CFAP299: variants seen among roughly 807,000 people sequenced by gnomAD.
The protein encoded by CFAP299 is cilia- and flagella-associated protein 299.
In CFAP299, 21 loss-of-function variants were observed where a neutral mutation model predicts 27.0. The ratio of observed to expected loss-of-function variants is 0.78; its 90% confidence interval spans 0.55 to 1.12. CFAP299 has a LOEUF of 1.12. CFAP299 is among the 50% of genes most tolerant of loss of function. CFAP299 has a pLI of 0.00. For missense variants in CFAP299, 310 were observed against 276.6 expected (o/e 1.12, Z -0.86); for synonymous variants, 104 against 98.1 (o/e 1.06, Z -0.36).
chr4:80,591,309 G>C (rs1201391399), intron 3 of CFAP299, among the ~76,000 whole-genome samples: 1 of 151,086 alleles, frequency 6.6e-6, no homozygotes, highest in Non-Finnish European at 1.5e-5. Context: ...ATTTTTAGTA[G>C]AGACGGGGTT....
chr4:80,508,529 C>G (rs1334155392), intron 2 of CFAP299, among the ~76,000 whole-genome samples: 2 of 152,106 alleles, frequency 1.3e-5, no homozygotes, highest in Admixed American at 1.3e-4. Context: ...TCAGATTCTC[C>G]TCACTTTTTC....
intron 4 of CFAP299, among the ~76,000 whole-genome samples, chr4:80,905,472 T>A (rs1337989266): frequency 6.6e-6 from 1 of 152,186 alleles, no homozygotes; most frequent in African/African-American, 2.4e-5. Context: ...TTGATATTTT[T>A]TTTAAAAAAG....
chr4:80,366,367 T>G (rs1288916834), intron 2 of CFAP299, among the ~76,000 whole-genome samples: 1 of 152,162 alleles, frequency 6.6e-6, no homozygotes, highest in African/African-American at 2.4e-5. Context: ...TTACTCACAA[T>G]AGCTTCACAG....
At chr4:80,340,109 G>A (rs534746569) in intron 1 of CFAP299, among the ~76,000 whole-genome samples, 3 of 152,246 alleles carry the variant, frequency 2.0e-5, no homozygotes, top group Admixed American at 2.0e-4. Context: ...AGTGAATTTG[G>A]CACCTTCAAC....
At chr4:80,782,530 A>C (rs1466469394) in intron 3 of CFAP299, among the ~76,000 whole-genome samples, 17 of 146,412 alleles carry the variant, frequency 1.2e-4, no homozygotes, top group Non-Finnish European at 2.5e-4. Context: ...AATATATAAT[A>C]TACATATATG....
chr4:80,953,506 G>A (rs901527649), intron 5 of CFAP299, among the ~76,000 whole-genome samples: 7 of 151,996 alleles, frequency 4.6e-5, no homozygotes, highest in African/African-American at 1.7e-4. Context: ...AAAATCAATG[G>A]CCTTGAGGAA....
chr4:80,476,927 C>T (rs1342668689), intron 2 of CFAP299, among the ~76,000 whole-genome samples: 1 of 149,358 alleles, frequency 6.7e-6, no homozygotes, highest in African/African-American at 2.5e-5. Context: ...TTTTCTCAGG[C>T]ATTTTGTGTG....
rs191755661 is a variant in CFAP299, at chr4:80,840,879, T to C, written c.334-29114T>C. ...CTCTTTAGTCCCACCTCCTTTCTTT[T>C]ATGTATGAGGAAATTTAGTCACAAA... On this transcript the variant is annotated intron_variant, in intron 3 of 5. Transcript: ENST00000358105. Among the ~76,000 whole-genome samples, 3 of 152,248 alleles carry C rather than the reference T, an allele frequency of 2.0e-5. No homozygotes were observed. In the East Asian group the frequency reaches 5.8e-4, roughly 29 times the overall value.
chr4:80,910,754 C>T (rs181994721), intron 4 of CFAP299, among the ~76,000 whole-genome samples: 47 of 151,998 alleles, frequency 3.1e-4, no homozygotes, highest in African/African-American at 8.9e-4. Context: ...AACAAACTCC[C>T]GTGACATTTA....
chr4:80,845,949 A>G (rs948808059), intron 3 of CFAP299, among the ~76,000 whole-genome samples: 3 of 152,194 alleles, frequency 2.0e-5, no homozygotes, highest in Admixed American at 2.0e-4. Context: ...GTTAAATATG[A>G]AAAGTGGTAG....
intron 3 of CFAP299, among the ~76,000 whole-genome samples, chr4:80,644,215 T>C (rs1213125453): frequency 3.3e-5 from 5 of 152,224 alleles, no homozygotes; most frequent in South Asian, 4.1e-4. Flanking sequence ...ATGTGCTTTG[T>C]GTGTGTTTTT....
At chr4:80,684,641 T>A (rs1720069187) in intron 3 of CFAP299, among the ~76,000 whole-genome samples, 1 of 152,198 alleles carries the variant, frequency 6.6e-6, no homozygotes, top group Non-Finnish European at 1.5e-5. Flanking sequence ...AGAGTCATTA[T>A]AGTATCTAAA....
At chr4:80,741,437 T>C (rs563373673) in intron 3 of CFAP299, among the ~76,000 whole-genome samples, 1 of 152,010 alleles carries the variant, frequency 6.6e-6, no homozygotes, top group Admixed American at 6.6e-5. Flanking sequence ...CCCTTTAAGG[T>C]AGTGGGTTCT....
intron 1 of CFAP299, among the ~76,000 whole-genome samples, chr4:80,350,331 C>G (rs1722956244): frequency 6.6e-6 from 1 of 151,970 alleles, no homozygotes; most frequent in Non-Finnish European, 1.5e-5. Context: ...TCACTGAAAA[C>G]TAGTGATAAA....
intron 3 of CFAP299, among the ~76,000 whole-genome samples, chr4:80,765,964 T>C (rs1466783744): frequency 6.6e-6 from 1 of 152,044 alleles, no homozygotes; most frequent in East Asian, 1.9e-4. Flanking sequence ...TCTACTATAA[T>C]TTCACAGAAG....
intron 3 of CFAP299, among the ~76,000 whole-genome samples, chr4:80,730,786 T>C (rs1010104569): frequency 4.6e-5 from 7 of 152,210 alleles, no homozygotes; most frequent in African/African-American, 1.2e-4. Flanking sequence ...ACTAATACGT[T>C]GTTCTCTACA....
chr4:80,800,646 T>A (rs1240741915), intron 3 of CFAP299, among the ~76,000 whole-genome samples: 1 of 87,868 alleles, frequency 1.1e-5, no homozygotes, highest in Non-Finnish European at 1.9e-5. Flanking sequence ...ATATAATATA[T>A]TAATATATAT....
chr4:80,368,308 C>A (rs780534957), intron 2 of CFAP299, among the ~76,000 whole-genome samples: 1 of 152,146 alleles, frequency 6.6e-6, no homozygotes, highest in East Asian at 1.9e-4. Context: ...AAGAGGATTT[C>A]TATGGTGATT....
intron 3 of CFAP299, among the ~76,000 whole-genome samples, chr4:80,711,141 A>C (rs1722143399): frequency 6.6e-6 from 1 of 152,194 alleles, no homozygotes; most frequent in Non-Finnish European, 1.5e-5. Flanking sequence ...GAAAAACTGG[A>C]GAGTGGGGAG....
Sources: allele counts gnomAD v4.1 joint callset (sites outside exome capture counted in the v4.1 genomes callset), GRCh38; gene constraint gnomAD v4.1.1; transcripts MANE v1.5; gene names NCBI Gene and HGNC (gene_info 2026-07-23, HGNC 2026-07-21).